The following MAOB variants were observed in gnomAD, a reference collection of about 807,000 sequenced individuals.
MAOB encodes monoamine oxidase B.
MAOB carries 15 observed loss-of-function variants against 41.9 expected under a neutral mutation model. That is an observed-to-expected ratio of 0.36 (90% CI 0.24 to 0.55). The LOEUF (loss-of-function observed/expected upper bound fraction) is 0.55. MAOB is among the 20% of genes least tolerant of loss of function. The probability of loss-of-function intolerance (pLI) is 0.86; values close to 1 mark genes in which losing one functional copy is unlikely to be tolerated. For missense variants in MAOB, 345 were observed against 398.7 expected (o/e 0.87, Z 1.15); for synonymous variants, 167 against 144.2 (o/e 1.16, Z -1.13).
At chrX:43,857,144 G>T (rs2035300500) in intron 1 of MAOB, among the ~76,000 whole-genome samples, 1 of 60,625 alleles carries the variant, frequency 1.6e-5, no homozygotes, top group African/African-American at 6.7e-5. Flanking sequence ...GAGAGAGAGA[G>T]AGAGAGAGAG....
chrX:43,773,944 T>A (rs952905775), intron 12 of MAOB, among the ~76,000 whole-genome samples: 14 of 111,994 alleles, frequency 1.3e-4, no homozygotes, highest in Middle Eastern at 4.2e-3. Context: ...TATCTAAAAA[T>A]TAACTTAATG....
chrX:43,768,687 C>T lies in MAOB; in HGVS notation c.1377G>A (p.Glu459=). ...CTGGTTCTGACTGCCAGATTTCATC[C>T]TCTGGAATCTTCCCCATGGCATGCA... ...EILHAMGKIP[E]DEIWQSEPES... Residue 459 remains glutamate, a synonymous_variant, in exon 14 of 15, where the codon GAG becomes GAA. Transcript: ENST00000378069. The T allele has an allele frequency of 8.3e-7, 1 of 1,209,707 alleles. No homozygotes were observed.
At chrX:43,780,458 T>C in intron 9 of MAOB, 63 bp from the exon 10 acceptor site, 1 of 853,759 alleles carries the variant, frequency 1.2e-6, no homozygotes, top group Non-Finnish European at 1.7e-6. Context: ...AGCCTCATTT[T>C]CGTAGCTACA....
intron 1 of MAOB, among the ~76,000 whole-genome samples, chrX:43,866,827 G>A (rs1317323647): frequency 8.9e-6 from 1 of 112,742 alleles, no homozygotes; most frequent in South Asian, 3.7e-4. Flanking sequence ...GTCCACGTGA[G>A]GAACACCAGA....
At chrX:43,843,943 G>A (rs770341944) in intron 1 of MAOB, 179 bp from the exon 2 acceptor site, 6 of 970,971 alleles carry the variant, frequency 6.2e-6, no homozygotes, top group East Asian at 3.9e-5. Flanking sequence ...TTCTGGAAAC[G>A]ACAAAAGGGA....
At chrX:43,792,427 A>G (rs1474912614) in intron 8 of MAOB, among the ~76,000 whole-genome samples, 2 of 112,205 alleles carry the variant, frequency 1.8e-5, no homozygotes, top group Non-Finnish European at 3.8e-5. Context: ...GGGAGAAAAT[A>G]TTTGCAAACT....
At chrX:43,842,813 C>T (rs971021221) in intron 2 of MAOB, among the ~76,000 whole-genome samples, 23 of 111,138 alleles carry the variant, frequency 2.1e-4, no homozygotes, top group African/African-American at 7.5e-4. Flanking sequence ...GTGAAATAAG[C>T]CAGGCACAGA....
intron 10 of MAOB, among the ~76,000 whole-genome samples, chrX:43,779,351 A>C (rs1211328046): frequency 8.9e-6 from 1 of 112,082 alleles, no homozygotes; most frequent in Non-Finnish European, 1.9e-5. Flanking sequence ...TTCTTACACC[A>C]AAATATGTTT....
At chrX:43,818,686 G>A (rs769208099) in intron 3 of MAOB, among the ~76,000 whole-genome samples, 1 of 112,488 alleles carries the variant, frequency 8.9e-6, no homozygotes, top group Admixed American at 9.4e-5. Flanking sequence ...GACAGGCTCG[G>A]ACAGACCCAG....
At chrX:43,787,984 A>G (rs1036012822) in intron 8 of MAOB, among the ~76,000 whole-genome samples, 12 of 111,745 alleles carry the variant, frequency 1.1e-4, no homozygotes, top group African/African-American at 3.9e-4. Flanking sequence ...TGGTGTTGCT[A>G]TAAAGGGATA....
chrX:43,772,609 C>T (rs1362143623), intron 12 of MAOB, among the ~76,000 whole-genome samples: 3 of 111,948 alleles, frequency 2.7e-5, no homozygotes. Flanking sequence ...TCTTCCTCCC[C>T]CTTTGATCTG....
intron 1 of MAOB, among the ~76,000 whole-genome samples, chrX:43,859,635 T>C (rs2035319314): frequency 9.0e-6 from 1 of 111,624 alleles, no homozygotes; most frequent in African/African-American, 3.3e-5. Flanking sequence ...AAATGAAGTG[T>C]TATTTCTTTA....
intron 3 of MAOB, among the ~76,000 whole-genome samples, chrX:43,833,209 T>A (rs1174351115): frequency 9.0e-6 from 1 of 111,422 alleles, no homozygotes; most frequent in East Asian, 2.8e-4. Flanking sequence ...AATTCACAAC[T>A]AAATAACTTA....
intron 3 of MAOB, among the ~76,000 whole-genome samples, chrX:43,831,506 C>T (rs1299999531): frequency 9.2e-6 from 1 of 108,447 alleles, no homozygotes; most frequent in Admixed American, 9.9e-5. Context: ...AATGAATAGA[C>T]GAATGGATGG....
At chrX:43,775,132 G>C (rs2034238571) in intron 12 of MAOB, 43 bp downstream of exon 12, 3 of 1,113,464 alleles carry the variant, frequency 2.7e-6, no homozygotes, top group Non-Finnish European at 3.5e-6. Context: ...TTGGATTCAG[G>C]TGCAGGGGAT....
In MAOB at chrX:43,882,412, C is replaced by T. The variant is rs1009044100; in HGVS notation, c.-113G>A. On this transcript the variant is annotated 5_prime_UTR_variant, in exon 1 of 15. Transcript: ENST00000378069. ...CGCCTGCCCGCCGGCCTGCTGCGCG[C>T]TGCCCCCGTGCACCAGCGCCTCGGC... The T allele has an allele frequency of 2.2e-4, 238 of 1,079,331 alleles. 1 individual carries two copies. The East Asian group carries it at 8.2e-3, about 37-fold the overall frequency. The allele number at this position is 1,079,331 out of a possible 1,213,427, so 88.9% of individuals were successfully genotyped here. A position where few individuals can be genotyped will look rare whatever the true frequency, so the allele number is the denominator to read the frequency against.
intron 3 of MAOB, among the ~76,000 whole-genome samples, chrX:43,804,138 A>G (rs2034632968): frequency 9.0e-6 from 1 of 111,242 alleles, no homozygotes; most frequent in South Asian, 3.8e-4. Context: ...GTCAATCTGA[A>G]AACCCGAGTC....
chrX:43,873,658 T>C (rs1159431351), intron 1 of MAOB, among the ~76,000 whole-genome samples: 4 of 111,481 alleles, frequency 3.6e-5, no homozygotes, highest in Non-Finnish European at 7.5e-5. Flanking sequence ...AAGGTTTAAA[T>C]GACATTTTTG....
intron 12 of MAOB, among the ~76,000 whole-genome samples, chrX:43,772,753 A>G (rs984148051): frequency 1.8e-5 from 2 of 111,482 alleles, no homozygotes; most frequent in African/African-American, 6.5e-5. Flanking sequence ...TGTTTGGATC[A>G]TGGGGACGGA....
Sources: allele counts gnomAD v4.1 joint callset (sites outside exome capture counted in the v4.1 genomes callset), GRCh38; gene constraint gnomAD v4.1.1; transcripts MANE v1.5; gene names NCBI Gene and HGNC (gene_info 2026-07-23, HGNC 2026-07-21).